The following DIXDC1 variants were observed in gnomAD, a reference collection of about 807,000 sequenced individuals.
DIXDC1 encodes the protein dixin.
Under a neutral mutation model 103.1 loss-of-function variants are expected in DIXDC1, and 64 were observed. The observed-to-expected ratio is 0.62, with a 90% CI of 0.51 to 0.76. The LOEUF is 0.76. DIXDC1 is among the 30% of genes least tolerant of loss of function. DIXDC1 has a pLI of 0.00. For synonymous variants in DIXDC1, 266 were observed against 298.5 expected (o/e 0.89, Z 1.12); for missense variants, 759 against 834.2 (o/e 0.91, Z 1.11).
At chr11:111,964,440 A>G in intron 1 of DIXDC1, 109 bp from the exon 2 acceptor site, 1 of 1,288,630 alleles carries the variant, frequency 7.8e-7, no homozygotes, top group Non-Finnish European at 1.1e-6. Context: ...CTGCTTCTGG[A>G]TATGGGTTGT....
intron 10 of DIXDC1, 111 bp from the exon 11 acceptor site, chr11:111,992,304 C>T (rs899830122): frequency 1.0e-6 from 1 of 956,418 alleles, no homozygotes. Flanking sequence ...ATTTGTCTTC[C>T]AGTCTGCCAT....
intron 17 of DIXDC1, among the ~76,000 whole-genome samples, chr11:112,003,989 G>A (rs1861146989): frequency 7.0e-6 from 1 of 142,018 alleles, no homozygotes; most frequent in Non-Finnish European, 1.5e-5. Flanking sequence ...GACCAGCCTG[G>A]GCAACATAAA....
At chr11:112,010,618 A>G (rs1444214312) in intron 17 of DIXDC1, among the ~76,000 whole-genome samples, 1 of 152,212 alleles carries the variant, frequency 6.6e-6, no homozygotes, top group Non-Finnish European at 1.5e-5. Flanking sequence ...AGACCAATGA[A>G]TCAGAACAGA....
At chr11:111,974,290 T>C (rs781824280) in intron 4 of DIXDC1, 36 bp downstream of exon 4, 2 of 1,566,238 alleles carry the variant, frequency 1.3e-6, no homozygotes, top group African/African-American at 2.7e-5. Flanking sequence ...AACTGATCCC[T>C]CTCTCTGATA....
intron 1 of DIXDC1, among the ~76,000 whole-genome samples, chr11:111,952,541 G>A (rs1966840801): frequency 6.6e-6 from 1 of 151,808 alleles, no homozygotes; most frequent in Non-Finnish European, 1.5e-5. Flanking sequence ...TCCAAAAATT[G>A]GCCAGGCCTG....
intron 7 of DIXDC1, among the ~76,000 whole-genome samples, chr11:111,983,401 ACTGAGAAG>A (rs1372325625): frequency 6.6e-6 from 1 of 152,012 alleles, no homozygotes; most frequent in African/African-American, 2.4e-5. Context: ...TGCCCCAGGA[ACTGAGAAG>A]TGTGGGAGGA....
chr11:112,007,645 C>G lies in DIXDC1; in HGVS notation c.1757-9046C>G, dbSNP rs587729700. Among the ~76,000 whole-genome samples, 6 of 152,260 alleles carry G rather than the reference C, an allele frequency of 3.9e-5. No homozygotes were observed. The East Asian group carries it at 1.2e-3, about 29-fold the overall frequency. On this transcript the variant is annotated intron_variant, in intron 17 of 19. Transcript: ENST00000440460. ...TCTACAAGCCAGAAGAGAGTGGGGG[C>G]CAATATTCAACATTCTTAAAGAAAA...
At chr11:111,985,767 TTGC>T (rs1478998034) in intron 8 of DIXDC1, among the ~76,000 whole-genome samples, 15 of 152,284 alleles carry the variant, frequency 9.9e-5, no homozygotes, top group Admixed American at 2.0e-4. Flanking sequence ...AGCTCAGCTC[TTGC>T]TATGGATTTC....
Position 111,993,595 on chromosome 11 carries a change from A to T in DIXDC1, c.1365+7A>T. The T allele has an allele frequency of 6.2e-7, 1 of 1,614,050 alleles. No homozygotes were observed. The highest frequency in any genetic ancestry group is 8.5e-7 in the Non-Finnish European group (1 of 1,179,894). Reference sequence around the variant, plus strand: ...TGATGTCAGTTACCACCAGGTCAGAACATATTCAGCCACTGACTTCCCTGC... The same window carrying T: ...TGATGTCAGTTACCACCAGGTCAGATCATATTCAGCCACTGACTTCCCTGC... On this transcript the variant is annotated splice_region_variant and intron_variant, in intron 13 of 19. Coordinates refer to ENST00000440460, the MANE Select transcript of DIXDC1 (RefSeq NM_001037954.4).
chr11:112,001,149 G>A (rs187572859), intron 17 of DIXDC1, among the ~76,000 whole-genome samples: 5 of 152,296 alleles, frequency 3.3e-5, no homozygotes, highest in South Asian at 2.1e-4. Context: ...ATGCTACAAC[G>A]TGGATGAACT....
At chr11:111,951,080 A>G (rs1966788583) in intron 1 of DIXDC1, among the ~76,000 whole-genome samples, 1 of 152,228 alleles carries the variant, frequency 6.6e-6, no homozygotes, top group Non-Finnish European at 1.5e-5. Context: ...ATAAGAAATG[A>G]CAATAGAAAA....
chr11:112,011,733 C>T (rs768021916), intron 17 of DIXDC1, among the ~76,000 whole-genome samples: 14 of 150,966 alleles, frequency 9.3e-5, no homozygotes, highest in Non-Finnish European at 1.8e-4. Flanking sequence ...TGTCCTCACT[C>T]ATAGGTGGGA....
chr11:111,938,079 A>G (rs925187733), intron 1 of DIXDC1, among the ~76,000 whole-genome samples: 1 of 152,144 alleles, frequency 6.6e-6, no homozygotes, highest in African/African-American at 2.4e-5. Context: ...TTTCTCTGCA[A>G]TCAAGGACAT....
rs781820037 is a variant in DIXDC1 at position 111,995,117 on chromosome 11, C to G, written c.1527+9C>G. The G allele has an allele frequency of 6.2e-6, 10 of 1,612,644 alleles. No homozygotes were observed. In the East Asian group the frequency reaches 2.2e-4, roughly 36 times the overall value. ...CAGTCAGCAACAGAGGGGTACGTAC[C>G]TGGAGTTTTGATGGAGTCCTGCCAC... On this transcript the variant is annotated intron_variant, in intron 15 of 19. Transcript: ENST00000440460.
intron 17 of DIXDC1, among the ~76,000 whole-genome samples, chr11:111,997,400 A>G (rs1362597074): frequency 2.0e-5 from 3 of 151,936 alleles, no homozygotes; most frequent in Non-Finnish European, 4.4e-5. Context: ...CAGTGGCGCA[A>G]TCTCTGTTCA....
chr11:111,929,839 T>G, exon 2 of DIXDC1: 1 of 1,532,756 alleles, frequency 6.5e-7, no homozygotes, highest in East Asian at 2.4e-5. Context: ...TCGTCTCTTC[T>G]AGGGACTCTT....
chr11:111,972,070 A>G (rs2137529022), intron 3 of DIXDC1, among the ~76,000 whole-genome samples: 1 of 152,306 alleles, frequency 6.6e-6, no homozygotes, highest in East Asian at 1.9e-4. Flanking sequence ...CCTCAGCATC[A>G]CACAATATAC....
chr11:111,995,864 T>C (rs1860881586), intron 16 of DIXDC1, among the ~76,000 whole-genome samples: 1 of 152,146 alleles, frequency 6.6e-6, no homozygotes, highest in Admixed American at 6.6e-5. Flanking sequence ...CTGATTGAGC[T>C]TGGCCTTGGA....
At chr11:111,989,980 C>T (rs781809574) in intron 10 of DIXDC1, among the ~76,000 whole-genome samples, 238 of 149,928 alleles carry the variant, frequency 1.6e-3, no homozygotes, top group African/African-American at 4.7e-3. Context: ...TTAGTAGAGA[C>T]GGGGTTTCAC....
Sources: allele counts gnomAD v4.1 joint callset (sites outside exome capture counted in the v4.1 genomes callset), GRCh38; gene constraint gnomAD v4.1.1; transcripts MANE v1.5; gene names NCBI Gene and HGNC (gene_info 2026-07-23, HGNC 2026-07-21).